The following TOM1 variants were observed in gnomAD, a reference collection of about 807,000 sequenced individuals.
TOM1 encodes target of myb1 membrane trafficking protein.
Under a neutral mutation model 61.3 loss-of-function variants are expected in TOM1, and 38 were observed. The observed-to-expected ratio is 0.62, with a 90% CI of 0.48 to 0.81. The LOEUF is 0.81. TOM1 is among the 40% of genes least tolerant of loss of function. The pLI is 0.00. For synonymous variants in TOM1, 270 were observed against 268.8 expected, an observed-to-expected ratio of 1.00 and a Z score of -0.04; for missense variants, 591 against 659.6, an observed-to-expected ratio of 0.90 and a Z score of 1.14.
chr22:35,308,203 C>T (rs1000257669), intron 1 of TOM1, among the ~76,000 whole-genome samples: 11 of 152,010 alleles, frequency 7.2e-5, no homozygotes, highest in Admixed American at 5.9e-4. Flanking sequence ...CTTAAGCGCT[C>T]GCTCTTTCTC....
intron 1 of TOM1, among the ~76,000 whole-genome samples, chr22:35,302,256 GT>G (rs1189995241): frequency 6.7e-6 from 1 of 149,676 alleles, no homozygotes; most frequent in Non-Finnish European, 1.5e-5. Context: ...CAACCCCAGA[GT>G]TTCTGACTCT....
intron 1 of TOM1, among the ~76,000 whole-genome samples, chr22:35,317,292 C>T (rs960809965): frequency 2.0e-5 from 3 of 152,106 alleles, no homozygotes; most frequent in Admixed American, 6.5e-5. Context: ...TGGGATCAAA[C>T]GATTCTCCTG....
intron 2 of TOM1, among the ~76,000 whole-genome samples, chr22:35,318,758 G>T (rs1927522549): frequency 6.6e-6 from 1 of 152,266 alleles, no homozygotes; most frequent in African/African-American, 2.4e-5. Flanking sequence ...CTGGGCAGAG[G>T]TGTGGGAGCC....
intron 7 of TOM1, among the ~76,000 whole-genome samples, chr22:35,328,058 C>CGAACA: frequency 6.6e-6 from 1 of 152,202 alleles, no homozygotes; most frequent in Non-Finnish European, 1.5e-5. Flanking sequence ...CAGAGCGCTT[C>CGAACA]GTGTAACTGT....
chr22:35,337,339 A>G (rs1398850448), intron 11 of TOM1, among the ~76,000 whole-genome samples: 1 of 152,192 alleles, frequency 6.6e-6, no homozygotes, highest in African/African-American at 2.4e-5. Flanking sequence ...AGAGACAGCA[A>G]CAAGCACCTC....
At chr22:35,344,001 T>C (rs1930273919) in intron 12 of TOM1, among the ~76,000 whole-genome samples, 1 of 142,176 alleles carries the variant, frequency 7.0e-6, no homozygotes. Context: ...AAACCTACAC[T>C]CATACACCTA....
intron 12 of TOM1, among the ~76,000 whole-genome samples, chr22:35,342,234 G>A (rs551916982): frequency 6.6e-6 from 1 of 152,062 alleles, no homozygotes; most frequent in Non-Finnish European, 1.5e-5. Context: ...GTGACGAGGT[G>A]GTATTGCATG....
chr22:35,300,039 C>A, intron 1 of TOM1, 59 bp downstream of exon 1: 1 of 1,541,346 alleles, frequency 6.5e-7, no homozygotes, highest in Non-Finnish European at 8.8e-7. Context: ...GCTTCGGTCC[C>A]CTGGGAAGCC....
intron 2 of TOM1, among the ~76,000 whole-genome samples, chr22:35,318,715 G>A: frequency 6.6e-6 from 1 of 152,226 alleles, no homozygotes; most frequent in East Asian, 1.9e-4. Context: ...GGGATGCGAG[G>A]GTCCCTGTCC....
Position 35,338,643 on chromosome 22 carries a change from C to A in TOM1, c.1149-70C>A, listed in dbSNP as rs571297996. On this transcript the variant is annotated intron_variant, in intron 11 of 14. Transcript: ENST00000449058. Reference sequence around the variant, plus strand: ...ATGGGAGCCGTCAATCTGTGCCCCCCAGCCCGCTCCGTTCTTGCATCAGCC... The same window carrying A: ...ATGGGAGCCGTCAATCTGTGCCCCCAAGCCCGCTCCGTTCTTGCATCAGCC... 29 of 1,337,058 alleles carry A rather than the reference C, an allele frequency of 2.2e-5. No homozygotes were observed. In the Admixed American group the frequency reaches 5.8e-4, roughly 27 times the overall value. The allele number at this position is 1,337,058 out of a possible 1,614,324, so 82.8% of individuals were successfully genotyped here.
chr22:35,319,761 C>T (rs1024446888), intron 2 of TOM1, among the ~76,000 whole-genome samples: 6 of 152,334 alleles, frequency 3.9e-5, no homozygotes, highest in Non-Finnish European at 7.4e-5. Context: ...GAGCCAGGGA[C>T]GGGCGAGGGG....
rs1328614267 is a variant in TOM1 at position 35,347,106 on chromosome 22, A to G, written c.1376A>G (p.Asn459Ser). The G allele has an allele frequency of 1.9e-6, 3 of 1,612,194 alleles. No homozygotes were observed. Among genetic ancestry groups the G allele is most frequent in the Non-Finnish European group, 2.5e-6 (3 of 1,179,078 alleles). ...GCCAAAGCCGCGGACCGATTGCCCAACCTCTCCAGCCCCTCAGCTGAGGGG... is the reference window on the plus strand; with the variant it reads ...GCCAAAGCCGCGGACCGATTGCCCAGCCTCTCCAGCCCCTCAGCTGAGGGG... Reference protein sequence around the residue: ...ERAKAADRLPNLSSPSAEGPP... With the variant: ...ERAKAADRLPSLSSPSAEGPP... Residue 459 changes from asparagine to serine, a missense_variant, in exon 15 of 15, where the codon AAC becomes AGC. By Grantham distance (46) the Asn-to-Ser change is conservative. Transcript: ENST00000449058.
At position 35,301,777 on chromosome 22, in the gene TOM1, A is replaced by G. The variant is rs563828146; in HGVS notation, c.52+1797A>G. Among the ~76,000 whole-genome samples, 187 of 147,308 alleles carry G rather than the reference A, an allele frequency of 1.3e-3. 1 individual carries two copies. Among genetic ancestry groups the G allele is most frequent in the African/African-American group, 4.4e-3 (182 of 41,180 alleles). On this transcript the variant is annotated intron_variant, in intron 1 of 14. Coordinates refer to ENST00000449058, the MANE Select transcript of TOM1 (RefSeq NM_005488.3). ...ACCAGGAAGCTCCTGAACCAGGGAGAGGAACTGCCCTCTCAAAGGACCCCT... is the reference window on the plus strand; with the variant it reads ...ACCAGGAAGCTCCTGAACCAGGGAGGGGAACTGCCCTCTCAAAGGACCCCT...
In TOM1 at chr22:35,323,661, G is replaced by A. The variant is rs778809680; in HGVS notation, c.501+31G>A. ...AGAACTGCCGTACCGGGAACCAAGG[G>A]AAGGGAGGCAGGACTCATCCCCAGA... On this transcript the variant is annotated intron_variant, in intron 5 of 14. Transcript: ENST00000449058. This position sits in a 1 kb window ranked among gnomAD's most constrained non-coding sequence, Gnocchi z 4.2. 1.1e-5 allele frequency: 17 copies of A among 1,613,880 alleles called. No homozygotes were observed. The highest frequency in any genetic ancestry group is 5.3e-5 in the African/African-American group (4 of 74,916).
intron 1 of TOM1, among the ~76,000 whole-genome samples, chr22:35,304,913 T>A (rs1371752804): frequency 6.6e-6 from 1 of 152,184 alleles, no homozygotes; most frequent in Non-Finnish European, 1.5e-5. Flanking sequence ...ATGGTAAATA[T>A]GGGCAGTCCC....
At chr22:35,331,940 GTGCC>G (rs1481301500) in intron 8 of TOM1, among the ~76,000 whole-genome samples, 4 of 152,240 alleles carry the variant, frequency 2.6e-5, no homozygotes, top group African/African-American at 9.6e-5. Flanking sequence ...CAGAAATTGT[GTGCC>G]CATCACACCT....
At chr22:35,315,260 G>A (rs79872497) in intron 1 of TOM1, among the ~76,000 whole-genome samples, 5 of 152,094 alleles carry the variant, frequency 3.3e-5, no homozygotes, top group African/African-American at 7.2e-5. Context: ...GCAGGACTTC[G>A]TGGCCTTTAG....
chr22:35,314,249 C>T (rs577190797), intron 1 of TOM1, among the ~76,000 whole-genome samples: 6 of 152,296 alleles, frequency 3.9e-5, no homozygotes, highest in African/African-American at 1.2e-4. Flanking sequence ...CTGTCTTGTA[C>T]TGGAATTGCT....
chr22:35,338,887 C>A (rs1929624931), intron 12 of TOM1, 99 bp downstream of exon 12: 3 of 1,123,244 alleles, frequency 2.7e-6, no homozygotes, highest in South Asian at 1.7e-5. Context: ...ACTGGCCCAG[C>A]ACGTCCACAG....
Sources: gnomAD v4.1 joint callset for allele counts (sites outside exome capture counted in the v4.1 genomes callset) on GRCh38, gnomAD v4.1.1 for gene constraint, Gnocchi (gnomAD v3.1) non-coding constraint, MANE v1.5 for transcripts, NCBI Gene and HGNC (gene_info 2026-07-23, HGNC 2026-07-21) for gene names.